MANBA: variants seen among roughly 807,000 people sequenced by gnomAD.
MANBA encodes mannosidase beta.
Under a neutral mutation model 111.1 loss-of-function variants are expected in MANBA, and 83 were observed. That is an observed-to-expected ratio of 0.75 (90% CI 0.63 to 0.90). The LOEUF is 0.90. Ranked by LOEUF, MANBA falls within the 40% of genes least tolerant of loss-of-function variation. The probability of loss-of-function intolerance (pLI) is 0.00; values close to 1 mark genes in which losing one functional copy is unlikely to be tolerated. For missense variants in MANBA, 1,036 were observed against 1,069.0 expected (o/e 0.97, Z 0.43); for synonymous variants, 370 against 378.7 (o/e 0.98, Z 0.27).
At chr4:102,733,167 G>A (rs1035030250) in intron 1 of MANBA, among the ~76,000 whole-genome samples, 2 of 152,074 alleles carry the variant, frequency 1.3e-5, no homozygotes, top group South Asian at 4.1e-4. Context: ...ATTACAGGAG[G>A]CCGTTGTTGA....
At position 102,635,002 on chromosome 4, in the gene MANBA, C is replaced by T. The variant is rs143630504; in HGVS notation, c.2201G>A (p.Arg734His). 189 of 1,614,188 alleles carry T rather than the reference C, an allele frequency of 1.2e-4. No homozygotes were observed. The highest frequency in any genetic ancestry group is 1.0e-3 in the Admixed American group (62 of 60,030). Reference protein sequence around the residue: ...TWSSLEPVCSRVTERFVMKGG... With the variant: ...TWSSLEPVCSHVTERFVMKGG... ...TTTCATCACAAAACGTTCAGTCACA[C>T]GAGAGCACACGGGCTCCAGGGAGCT... The change falls in exon 16 of 17, where the codon CGT becomes CAT. Residue 734 changes from arginine (R) to histidine (H), a missense_variant. Transcript: ENST00000647097.
chr4:102,721,756 G>T (rs1722583783), intron 4 of MANBA, among the ~76,000 whole-genome samples: 1 of 152,110 alleles, frequency 6.6e-6, no homozygotes, highest in Non-Finnish European at 1.5e-5. Context: ...GGCCAAGCAT[G>T]GTGGCTCACA....
intron 7 of MANBA, among the ~76,000 whole-genome samples, chr4:102,677,520 C>T (rs1731779558): frequency 6.6e-6 from 1 of 152,102 alleles, no homozygotes; most frequent in Non-Finnish European, 1.5e-5. Context: ...GTAAAGAATT[C>T]ACACAAAGTG....
intron 5 of MANBA, among the ~76,000 whole-genome samples, chr4:102,712,021 TAAC>T (rs1330122082): frequency 2.0e-5 from 3 of 152,164 alleles, no homozygotes; most frequent in Admixed American, 6.5e-5. Context: ...TGACTATACT[TAAC>T]AACATGTATG....
chr4:102,756,945 TCACTAAAGTGGCCTCC>T (rs1306191094), intron 1 of MANBA, among the ~76,000 whole-genome samples: 1 of 152,170 alleles, frequency 6.6e-6, no homozygotes, highest in Non-Finnish European at 1.5e-5. Flanking sequence ...GTTTTCTGCC[TCACTAAAGTGGCCTCC>T]CACAAAATAG....
intron 3 of MANBA, among the ~76,000 whole-genome samples, chr4:102,723,344 ATGTCTGCTC>A (rs1328579723): frequency 6.6e-6 from 1 of 152,190 alleles, no homozygotes; most frequent in African/African-American, 2.4e-5. Context: ...TAGCTCTGGA[ATGTCTGCTC>A]TGTCTACTTA....
chr4:102,700,968 C>T (rs1424973358), intron 5 of MANBA, among the ~76,000 whole-genome samples: 4 of 151,910 alleles, frequency 2.6e-5, no homozygotes, highest in Non-Finnish European at 5.9e-5. Flanking sequence ...GTGTTAAAGT[C>T]TCCCATTATT....
chr4:102,734,533 G>C (rs1723140156), intron 1 of MANBA: 14 of 1,608,520 alleles, frequency 8.7e-6, no homozygotes, highest in Non-Finnish European at 2.6e-6. Context: ...GAGCTCAGAA[G>C]TGCTGAGGTG....
intron 13 of MANBA, among the ~76,000 whole-genome samples, chr4:102,649,081 A>G (rs1730219338): frequency 6.6e-6 from 1 of 152,164 alleles, no homozygotes; most frequent in African/African-American, 2.4e-5. Flanking sequence ...GATTATCAGT[A>G]GTTTATTCTT....
At chr4:102,697,224 T>C (rs1020421734) in intron 5 of MANBA, among the ~76,000 whole-genome samples, 7 of 152,234 alleles carry the variant, frequency 4.6e-5, no homozygotes, top group Middle Eastern at 3.4e-3. Flanking sequence ...AAAATACCCA[T>C]AAAGTTATTT....
intron 12 of MANBA, among the ~76,000 whole-genome samples, chr4:102,656,059 C>T (rs1327852339): frequency 2.0e-5 from 3 of 152,096 alleles, no homozygotes; most frequent in African/African-American, 7.2e-5. Flanking sequence ...TCCAGACCAG[C>T]CTGGATGATT....
chr4:102,632,714 A>G (rs1729446435), intron 16 of MANBA, among the ~76,000 whole-genome samples: 1 of 152,222 alleles, frequency 6.6e-6, no homozygotes, highest in Non-Finnish European at 1.5e-5. Flanking sequence ...AGCAATCTAG[A>G]AAGTCCACTG....
At chr4:102,732,501 G>T (rs1723066694) in intron 1 of MANBA, among the ~76,000 whole-genome samples, 1 of 152,344 alleles carries the variant, frequency 6.6e-6, no homozygotes, top group South Asian at 2.1e-4. Flanking sequence ...GGGCAAATCT[G>T]TAAGAAGCAC....
chr4:102,698,921 G>A (rs1186569504), intron 5 of MANBA, among the ~76,000 whole-genome samples: 1 of 152,148 alleles, frequency 6.6e-6, no homozygotes, highest in Non-Finnish European at 1.5e-5. Flanking sequence ...GATGGGGATG[G>A]CATTGAATCT....
intron 7 of MANBA, among the ~76,000 whole-genome samples, chr4:102,681,748 CTG>C (rs1731986704): frequency 6.6e-6 from 1 of 152,194 alleles, no homozygotes. Flanking sequence ...GAAGCACAAA[CTG>C]TGTTCAAAAC....
intron 7 of MANBA, among the ~76,000 whole-genome samples, chr4:102,679,094 C>G (rs932393298): frequency 1.3e-5 from 2 of 152,180 alleles, no homozygotes; most frequent in Non-Finnish European, 2.9e-5. Flanking sequence ...AAGTGCTCCC[C>G]CATGTAAAAG....
At chr4:102,735,483 AG>A (rs1723185980) in intron 1 of MANBA, among the ~76,000 whole-genome samples, 1 of 150,966 alleles carries the variant, frequency 6.6e-6, no homozygotes, top group African/African-American at 2.4e-5. Context: ...AAGAAAGAAA[AG>A]TCTACTAAAA....
intron 5 of MANBA, among the ~76,000 whole-genome samples, chr4:102,712,170 A>G (rs1722098988): frequency 6.6e-6 from 1 of 152,250 alleles, no homozygotes; most frequent in Non-Finnish European, 1.5e-5. Flanking sequence ...AAAATACCAC[A>G]CATACCCCAT....
intron 5 of MANBA, among the ~76,000 whole-genome samples, chr4:102,701,206 T>G (rs1362051437): frequency 9.2e-5 from 14 of 151,912 alleles, no homozygotes; most frequent in Admixed American, 3.9e-4. Context: ...GTTTTCCATT[T>G]GCTTGGTAGA....
Sources: gnomAD v4.1 joint callset for allele counts (sites outside exome capture counted in the v4.1 genomes callset) on GRCh38, gnomAD v4.1.1 for gene constraint, MANE v1.5 for transcripts, NCBI Gene and HGNC (gene_info 2026-07-23, HGNC 2026-07-21) for gene names.